Variants in PDE3A observed in about 807,000 individuals in gnomAD.
PDE3A encodes cGMP-inhibited 3',5'-cyclic phosphodiesterase 3A.
PDE3A carries 43 observed loss-of-function variants against 98.3 expected under a neutral mutation model. The observed-to-expected ratio is 0.44, with a 90% CI of 0.34 to 0.56. The LOEUF (loss-of-function observed/expected upper bound fraction) is 0.56, where lower values mean the gene tolerates loss of function less well. Among genes scored for constraint, PDE3A ranks in the 20% least tolerant of loss-of-function variants. PDE3A has a pLI of 0.01. For missense variants in PDE3A, 1,427 were observed against 1,440.7 expected (o/e 0.99, Z 0.15); for synonymous variants, 663 against 567.9 (o/e 1.17, Z -2.38).
At chr12:20,422,944 T>G (rs1230506638) in intron 1 of PDE3A, among the ~76,000 whole-genome samples, 2 of 152,216 alleles carry the variant, frequency 1.3e-5, no homozygotes, top group African/African-American at 4.8e-5. Context: ...ATTTGTTATA[T>G]TATGTTACAG....
rs1233957989 is a variant in PDE3A, at chr12:20,682,883, T to A, written c.*2612T>A. The A allele has an allele frequency of 6.6e-6, 1 of 152,168 alleles. No individual in the cohort carries two copies. The highest frequency in any genetic ancestry group is 1.5e-5 in the Non-Finnish European group (1 of 68,034). The allele number at this position is 152,168 out of a possible 1,614,324, so 9.4% of individuals were successfully genotyped here. On this transcript the variant is annotated 3_prime_UTR_variant, in exon 16 of 16. Transcript: ENST00000359062. Reference sequence around the variant, plus strand: ...AGTGGACTGGCAGGACAGTTGGAAGTCCATCACAGTCTATTGACAGTTTCA... The same window carrying A: ...AGTGGACTGGCAGGACAGTTGGAAGACCATCACAGTCTATTGACAGTTTCA...
At chr12:20,429,106 A>C (rs916466762) in intron 1 of PDE3A, among the ~76,000 whole-genome samples, 3 of 152,234 alleles carry the variant, frequency 2.0e-5, no homozygotes, top group African/African-American at 7.2e-5. Flanking sequence ...ATTTGCAAAA[A>C]ATGCATAAAA....
At chr12:20,412,335 G>A (rs914712035) in intron 1 of PDE3A, among the ~76,000 whole-genome samples, 5 of 152,152 alleles carry the variant, frequency 3.3e-5, no homozygotes, top group African/African-American at 9.7e-5. Flanking sequence ...CTACCTCATT[G>A]TTGTTTCTAA....
intron 1 of PDE3A, among the ~76,000 whole-genome samples, chr12:20,524,596 A>C (rs1233974654): frequency 6.6e-6 from 1 of 152,070 alleles, no homozygotes; most frequent in Admixed American, 6.6e-5. Flanking sequence ...AAGAGCACAT[A>C]TAACATATAT....
intron 15 of PDE3A, among the ~76,000 whole-genome samples, chr12:20,667,906 A>G (rs1945360352): frequency 6.6e-6 from 1 of 152,160 alleles, no homozygotes; most frequent in African/African-American, 2.4e-5. Context: ...GATGCAGAAG[A>G]TGGTGATTTC....
At chr12:20,674,323 T>C (rs752453574) in intron 15 of PDE3A, among the ~76,000 whole-genome samples, 3 of 152,172 alleles carry the variant, frequency 2.0e-5, no homozygotes, top group Non-Finnish European at 4.4e-5. Flanking sequence ...GTAGGACTTC[T>C]AGTACAATTT....
chr12:20,387,789 CA>C (rs556138569), intron 1 of PDE3A, among the ~76,000 whole-genome samples: 1 of 151,988 alleles, frequency 6.6e-6, no homozygotes, highest in African/African-American at 2.4e-5. Context: ...TTGGGAACAA[CA>C]AAAGATAAGA....
chr12:20,662,716 A>T (rs1945205419), intron 15 of PDE3A, among the ~76,000 whole-genome samples: 1 of 152,238 alleles, frequency 6.6e-6, no homozygotes, highest in Admixed American at 6.5e-5. Flanking sequence ...ATGGTTTGGA[A>T]TTGGAACTTA....
In PDE3A at chr12:20,377,821, T is replaced by C. The variant is rs1053300425; in HGVS notation, c.960+7577T>C. On this transcript the variant is annotated intron_variant, in intron 1 of 15. Transcript: ENST00000359062. The stretch of plus-strand genomic sequence containing the variant: ...AACCTGATTTATAACACAGTATCAA[T>C]ATTTCCAGTTAATTATGAATTTGCC... 3.9e-5 allele frequency among the ~76,000 whole-genome samples: 6 copies of C among 151,908 alleles called. No homozygotes were observed. In the South Asian group the frequency reaches 1.0e-3, roughly 26 times the overall value.
intron 10 of PDE3A, among the ~76,000 whole-genome samples, chr12:20,645,175 C>CA (rs1944747501): frequency 7.8e-6 from 1 of 128,240 alleles, no homozygotes; most frequent in African/African-American, 2.6e-5. Context: ...AGGCATGAGC[C>CA]ACTGCACCTG....
At chr12:20,492,076 G>A (rs1591985710) in intron 1 of PDE3A, among the ~76,000 whole-genome samples, 7 of 152,012 alleles carry the variant, frequency 4.6e-5, no homozygotes, top group Admixed American at 3.9e-4. Flanking sequence ...CATCTCCCAC[G>A]TTGAAGCTAT....
chr12:20,609,971 C>T (rs944193591), intron 2 of PDE3A, among the ~76,000 whole-genome samples: 12 of 151,802 alleles, frequency 7.9e-5, no homozygotes, highest in East Asian at 3.9e-4. Flanking sequence ...GGAAAGCTCT[C>T]GGACATTGAC....
rs78629901 is a variant in PDE3A at position 20,388,087 on chromosome 12, G to C, written c.960+17843G>C. 2.0e-4 allele frequency among the ~76,000 whole-genome samples: 30 copies of C among 152,080 alleles called. No homozygotes were observed. The East Asian group carries it at 3.7e-3, about 19-fold the overall frequency. ...GTATTCCTTTGACATTGTTCCTTTG[G>C]ATATGTTCACAGAATATTTATTAGG... On this transcript the variant is annotated intron_variant, in intron 1 of 15. Coordinates refer to ENST00000359062, the MANE Select transcript of PDE3A (RefSeq NM_000921.5).
intron 1 of PDE3A, among the ~76,000 whole-genome samples, chr12:20,374,812 C>T (rs922843591): frequency 6.6e-6 from 1 of 151,856 alleles, no homozygotes; most frequent in African/African-American, 2.4e-5. Context: ...TCATTGAAAA[C>T]GTGTGTTATT....
intron 2 of PDE3A, among the ~76,000 whole-genome samples, chr12:20,569,219 C>T (rs543149933): frequency 9.2e-5 from 14 of 151,960 alleles, no homozygotes; most frequent in Non-Finnish European, 1.8e-4. Flanking sequence ...AAAATCATCC[C>T]TATGATGGTC....
intron 2 of PDE3A, among the ~76,000 whole-genome samples, chr12:20,605,076 C>G (rs1005231509): frequency 6.6e-6 from 1 of 152,172 alleles, no homozygotes; most frequent in Non-Finnish European, 1.5e-5. Flanking sequence ...TTTATGAACT[C>G]TGTGTAAAGC....
chr12:20,422,540 GA>G (rs1268511880), intron 1 of PDE3A, among the ~76,000 whole-genome samples: 1 of 152,002 alleles, frequency 6.6e-6, no homozygotes, highest in African/African-American at 2.4e-5. Flanking sequence ...TGTTATTATT[GA>G]GGGGCCCCCA....
rs1221629621 is a variant in PDE3A, at chr12:20,552,445, C to T, written c.961-4215C>T. ...GATCAAGAAGCTGGGGCTGACCATG[C>T]AGTATCCAGAAGGCTACCTGGAAGC... On this transcript the variant is annotated intron_variant, in intron 1 of 15. Transcript: ENST00000359062. This position sits in a 1 kb window ranked among gnomAD's most constrained non-coding sequence, Gnocchi z 5.1. 4 of 1,612,568 alleles carry T rather than the reference C, an allele frequency of 2.5e-6. No homozygotes were observed. In the African/African-American group the frequency reaches 4.0e-5, roughly 16 times the overall value.
At chr12:20,568,053 T>C (rs1401665984) in intron 2 of PDE3A, among the ~76,000 whole-genome samples, 1 of 151,972 alleles carries the variant, frequency 6.6e-6, no homozygotes, top group Non-Finnish European at 1.5e-5. Flanking sequence ...TGAAATGATA[T>C]ACTGGTAATA....
Sources: allele counts gnomAD v4.1 joint callset (sites outside exome capture counted in the v4.1 genomes callset), GRCh38; gene constraint gnomAD v4.1.1; non-coding constraint Gnocchi (gnomAD v3.1); transcripts MANE v1.5; gene names NCBI Gene and HGNC (gene_info 2026-07-23, HGNC 2026-07-21).